DCBLD2: variants seen among roughly 807,000 people sequenced by gnomAD.
DCBLD2 encodes discoidin, CUB and LCCL domain-containing protein 2.
A neutral mutation model predicts 86.8 loss-of-function variants in DCBLD2; 54 were observed. The ratio of observed to expected loss-of-function variants is 0.62; its 90% CI spans 0.50 to 0.78. DCBLD2 has a LOEUF of 0.78. DCBLD2 is among the 30% of genes least tolerant of loss of function. DCBLD2 has a pLI of 0.00. For synonymous variants in DCBLD2, 354 were observed against 341.3 expected (o/e 1.04, Z -0.41); for missense variants, 908 against 954.2 (o/e 0.95, Z 0.64).
chr3:98,867,699 G>A lies in DCBLD2; in HGVS notation c.433+13841C>T, dbSNP rs531377530. ...AAAACCAAATACCTTATAATGGCAGGAGAGTTCAATTGTCATCAGACTTCT... is the reference window on the plus strand; with the variant it reads ...AAAACCAAATACCTTATAATGGCAGAAGAGTTCAATTGTCATCAGACTTCT... On this transcript the variant is annotated intron_variant, in intron 2 of 15. Coordinates refer to ENST00000326840, the MANE Select transcript of DCBLD2 (RefSeq NM_080927.4). 4.6e-5 allele frequency among the ~76,000 whole-genome samples: 7 copies of A among 152,198 alleles called. No individual in the cohort carries two copies. The South Asian group carries it at 1.5e-3, about 32-fold the overall frequency.
chr3:98,812,487 A>T lies in DCBLD2; in HGVS notation c.1213-5T>A, dbSNP rs771269383. 8 of 1,609,968 alleles carry T rather than the reference A, an allele frequency of 5.0e-6. No homozygotes were observed. In the Admixed American group the frequency reaches 6.8e-5, roughly 14 times the overall value. ...ATCTTTGTTTCCTTGAAATATCTTT[A>T]AAAAAACAACAAAAAATTGGTACTT... On this transcript the variant is annotated splice_region_variant and splice_polypyrimidine_tract_variant and intron_variant, in intron 9 of 15. Coordinates refer to ENST00000326840, the MANE Select transcript of DCBLD2 (RefSeq NM_080927.4).
At chr3:98,864,430 A>C (rs1559791785) in intron 2 of DCBLD2, among the ~76,000 whole-genome samples, 1 of 152,214 alleles carries the variant, frequency 6.6e-6, no homozygotes, top group Non-Finnish European at 1.5e-5. Context: ...CACTATTCAC[A>C]ATAGCAAAGA....
At chr3:98,860,994 G>C (rs968982156) in intron 2 of DCBLD2, among the ~76,000 whole-genome samples, 12 of 152,166 alleles carry the variant, frequency 7.9e-5, no homozygotes, top group East Asian at 1.9e-4. Context: ...CACATGCAGA[G>C]ACACACATAG....
chr3:98,818,984 T>C (rs958093908), intron 8 of DCBLD2, among the ~76,000 whole-genome samples: 3 of 152,208 alleles, frequency 2.0e-5, no homozygotes, highest in Non-Finnish European at 4.4e-5. Flanking sequence ...TCCTATCAGT[T>C]GTGTCCTTTT....
chr3:98,899,633 T>A (rs75488088), intron 1 of DCBLD2, among the ~76,000 whole-genome samples: 2 of 152,154 alleles, frequency 1.3e-5, no homozygotes, highest in Non-Finnish European at 1.5e-5. Context: ...AGATTTTTTT[T>A]AATAACATGA....
In DCBLD2 at chr3:98,843,432, C is replaced by T. The variant is rs556627560; in HGVS notation, c.571+6029G>A. Among the ~76,000 whole-genome samples the T allele has an allele frequency of 1.6e-3, 240 of 152,146 alleles. 1 individual carries two copies. Among genetic ancestry groups the T allele is most frequent in the Non-Finnish European group, 2.9e-3 (199 of 67,994 alleles). ...AAACAGATTCTATAAAATTACTGTA[C>T]GGTTAAGAAGGCAAACAATCTAAGG... On this transcript the variant is annotated intron_variant, in intron 3 of 15. Coordinates refer to ENST00000326840, the MANE Select transcript of DCBLD2 (RefSeq NM_080927.4).
At position 98,819,254 on chromosome 3, in the gene DCBLD2, A is replaced by G. The variant is rs566891480; in HGVS notation, c.1035T>C (p.Thr345=). Residue 345 remains threonine (T), a synonymous_variant, in exon 8 of 16, where the codon ACT becomes ACC. Coordinates refer to ENST00000326840, the MANE Select transcript of DCBLD2 (RefSeq NM_080927.4). ...KPGPPWAAFA[T]DEYQWLQIDL... Reference sequence around the variant, plus strand: ...CTATTTGTAACCACTGGTATTCATCAGTGGCAAAAGCAGCCCAAGGCGGTC... The same window carrying G: ...CTATTTGTAACCACTGGTATTCATCGGTGGCAAAAGCAGCCCAAGGCGGTC... 6.2e-7 allele frequency: 1 copy of G among 1,608,778 alleles called. No individual in the cohort carries two copies. The highest frequency in any genetic ancestry group is 1.1e-5 in the South Asian group (1 of 90,288).
intron 1 of DCBLD2, 154 bp downstream of exon 1, chr3:98,900,968 T>C: frequency 1.5e-6 from 2 of 1,336,194 alleles, no homozygotes; most frequent in Non-Finnish European, 2.0e-6. Flanking sequence ...AGACCTTGCC[T>C]TTGCAACTCA....
At chr3:98,849,254 A>C (rs1176406774) in intron 3 of DCBLD2, 5 of 577,652 alleles carry the variant, frequency 8.7e-6, no homozygotes, top group Non-Finnish European at 1.5e-5. Context: ...TTCCTTTACT[A>C]AGGAAAGGGA....
Position 98,808,133 on chromosome 3 carries a change from C to T in DCBLD2, c.1618G>A (p.Val540Ile), listed in dbSNP as rs2107430118. The T allele has an allele frequency of 6.2e-7, 1 of 1,607,004 alleles. No homozygotes were observed. The highest frequency in any genetic ancestry group is 2.2e-5 in the East Asian group (1 of 44,490). Reference protein sequence around the residue: ...AAVLVPVLVMVLTTLILILVC... With the variant: ...AAVLVPVLVMILTTLILILVC... ...AATATGAGAATGAGAGTAGTGAGGA[C>T]CATGACCAGCACAGGGACAAGAACT... The change falls in exon 13 of 16, where the codon GTC becomes ATC. Residue 540 changes from valine (V) to isoleucine (I), a missense_variant. Physicochemically the swap from Val to Ile is conservative, Grantham distance 29. Transcript: ENST00000326840.
chr3:98,855,753 T>A (rs1251158537), intron 2 of DCBLD2, among the ~76,000 whole-genome samples: 3 of 152,184 alleles, frequency 2.0e-5, no homozygotes, highest in Admixed American at 1.3e-4. Context: ...GAAATATTCA[T>A]AAGGTAATAT....
At position 98,825,306 on chromosome 3, in the gene DCBLD2, T is replaced by C. The variant is rs764443934; in HGVS notation, c.623+9A>G. 3 of 1,453,904 alleles carry C rather than the reference T, an allele frequency of 2.1e-6. No individual in the cohort carries two copies. In the South Asian group the frequency reaches 4.2e-5, roughly 20 times the overall value. The allele number at this position is 1,453,904 out of a possible 1,614,324, so 90.1% of individuals were successfully genotyped here. On this transcript the variant is annotated intron_variant, in intron 4 of 15. Transcript: ENST00000326840. ...AAAAAAAAAAAAAAAGTCACAAATA[T>C]AATCATACCTGAACTCAGGTTCCAA...
At chr3:98,882,189 A>G (rs527975731) in intron 1 of DCBLD2, among the ~76,000 whole-genome samples, 19 of 152,208 alleles carry the variant, frequency 1.2e-4, no homozygotes, top group Non-Finnish European at 2.5e-4. Flanking sequence ...AAAATAATCA[A>G]TGGTTACTTA....
intron 2 of DCBLD2, among the ~76,000 whole-genome samples, chr3:98,879,413 G>A (rs1943423149): frequency 6.6e-6 from 1 of 152,002 alleles, no homozygotes; most frequent in South Asian, 2.1e-4. Flanking sequence ...TTGAGACGGA[G>A]TCTTGCTCTG....
At chr3:98,897,270 T>C (rs915544257) in intron 1 of DCBLD2, among the ~76,000 whole-genome samples, 2 of 152,210 alleles carry the variant, frequency 1.3e-5, no homozygotes, top group African/African-American at 4.8e-5. Context: ...TTAGAATCAA[T>C]TTTTCATTTA....
intron 3 of DCBLD2, among the ~76,000 whole-genome samples, chr3:98,838,647 C>T (rs567854157): frequency 3.3e-5 from 5 of 152,214 alleles, no homozygotes; most frequent in Admixed American, 2.6e-4. Context: ...GACGGGGTGG[C>T]GGCTGGGCAG....
In DCBLD2 at chr3:98,901,249, G is replaced by T. The variant is rs921962971; in HGVS notation, c.78C>A (p.Ala26=). 2.7e-5 allele frequency: 42 copies of T among 1,531,596 alleles called. No homozygotes were observed. The highest frequency in any genetic ancestry group is 3.3e-5 in the Non-Finnish European group (38 of 1,144,544). 94.9% of individuals were successfully genotyped at this position (1,531,596 alleles called of 1,614,324 possible). A position where few individuals can be genotyped will look rare whatever the true frequency, so the allele number is the denominator to read the frequency against. Residue 26 remains alanine (A), a synonymous_variant, in exon 1 of 16, where the codon GCC becomes GCA. Transcript: ENST00000326840. ...PQVRAAAAAP[A]WAALPLSRSL... ...AGCGGGAGAGGGGGAGCGCGGCCCAGGCGGGGGCGGCGGCCGCGGCCCGGA... is the reference window on the plus strand; with the variant it reads ...AGCGGGAGAGGGGGAGCGCGGCCCATGCGGGGGCGGCGGCCGCGGCCCGGA...
chr3:98,844,736 A>T (rs1369136574), intron 3 of DCBLD2, among the ~76,000 whole-genome samples: 1 of 152,170 alleles, frequency 6.6e-6, no homozygotes, highest in Non-Finnish European at 1.5e-5. Flanking sequence ...GTTCTGCCTC[A>T]CTCAGTAACA....
chr3:98,820,528 T>C (rs986454006), intron 6 of DCBLD2, among the ~76,000 whole-genome samples: 1 of 152,316 alleles, frequency 6.6e-6, no homozygotes, highest in East Asian at 1.9e-4. Context: ...CAGTTTCATA[T>C]GTGATTGTGC....
Sources: gnomAD v4.1 joint callset for allele counts (sites outside exome capture counted in the v4.1 genomes callset) on GRCh38, gnomAD v4.1.1 for gene constraint, MANE v1.5 for transcripts, NCBI Gene and HGNC (gene_info 2026-07-23, HGNC 2026-07-21) for gene names.